Variants in NOS1AP observed in about 807,000 individuals in gnomAD.
The protein encoded by NOS1AP is carboxyl-terminal PDZ ligand of neuronal nitric oxide synthase protein.
A neutral mutation model predicts 56.2 loss-of-function variants in NOS1AP; 21 were observed. The observed-to-expected ratio is 0.37, with a 90% CI of 0.26 to 0.54. The LOEUF is 0.54. Among genes scored for constraint, NOS1AP ranks in the 20% least tolerant of loss-of-function variants. NOS1AP has a pLI of 0.84. For missense variants in NOS1AP, 522 were observed against 657.8 expected, an observed-to-expected ratio of 0.79 and a Z score of 2.26; for synonymous variants, 270 against 274.6, an observed-to-expected ratio of 0.98 and a Z score of 0.17.
chr1:162,161,871 G>A (rs1461775672), intron 2 of NOS1AP, among the ~76,000 whole-genome samples: 1 of 152,336 alleles, frequency 6.6e-6, no homozygotes, highest in East Asian at 1.9e-4. Flanking sequence ...TGCCAAGCAC[G>A]CATAAGCACC....
At chr1:162,161,310 G>A (rs1441885678) in intron 2 of NOS1AP, among the ~76,000 whole-genome samples, 1 of 152,186 alleles carries the variant, frequency 6.6e-6, no homozygotes, top group African/African-American at 2.4e-5. Context: ...ACCATAATGG[G>A]ATTAGAGTGT....
intron 2 of NOS1AP, among the ~76,000 whole-genome samples, chr1:162,214,965 A>G (rs1652509974): frequency 1.3e-5 from 2 of 152,240 alleles, no homozygotes; most frequent in Admixed American, 6.5e-5. Context: ...CTGCCAGGCT[A>G]CATCAGTGAG....
At chr1:162,265,380 C>A in intron 2 of NOS1AP, among the ~76,000 whole-genome samples, 1 of 134,446 alleles carries the variant, frequency 7.4e-6, no homozygotes, top group South Asian at 3.0e-4. Context: ...CCTCCCCCCT[C>A]CCCCCACCCC....
rs1365736112 is a variant in NOS1AP at position 162,149,936 on chromosome 1, T to C, written c.106-4469T>C. The stretch of plus-strand genomic sequence containing the variant: ...TGCATAATAGTCACATCAGGGTAAA[T>C]GGGGTATCCATCACCTTAAGCATAT... On this transcript the variant is annotated intron_variant, in intron 1 of 9. Coordinates refer to ENST00000361897, the MANE Select transcript of NOS1AP (RefSeq NM_014697.3). 2.3e-4 allele frequency among the ~76,000 whole-genome samples: 35 copies of C among 152,228 alleles called. 1 individual carries two copies. Among genetic ancestry groups the C allele is most frequent in the Admixed American group, 2.1e-3 (32 of 15,282 alleles).
chr1:162,243,504 GAGAC>G (rs1653562875), intron 2 of NOS1AP, among the ~76,000 whole-genome samples: 1 of 152,192 alleles, frequency 6.6e-6, no homozygotes, highest in Non-Finnish European at 1.5e-5. Flanking sequence ...TATCGGAAAA[GAGAC>G]AGAGAAGAGT....
At chr1:162,295,431 T>C (rs1039169550) in intron 3 of NOS1AP, among the ~76,000 whole-genome samples, 15 of 152,248 alleles carry the variant, frequency 9.9e-5, no homozygotes, top group African/African-American at 3.6e-4. Context: ...CATTCTGTCC[T>C]ATCTATTTTT....
In NOS1AP at chr1:162,197,235, G is replaced by A. The variant is rs377600213; in HGVS notation, c.177+42759G>A. 7.9e-5 allele frequency among the ~76,000 whole-genome samples: 12 copies of A among 152,294 alleles called. No individual in the cohort carries two copies. The South Asian group carries it at 1.7e-3, about 21-fold the overall frequency. On this transcript the variant is annotated intron_variant, in intron 2 of 9. Coordinates refer to ENST00000361897, the MANE Select transcript of NOS1AP (RefSeq NM_014697.3). Reference sequence around the variant, plus strand: ...GAAGGCCAATGCAAAGACCACACACGGGCAAGCCTGAAAGGTGCTGTTTTG... The same window carrying A: ...GAAGGCCAATGCAAAGACCACACACAGGCAAGCCTGAAAGGTGCTGTTTTG...
chr1:162,268,593 C>T (rs760927127), intron 2 of NOS1AP, among the ~76,000 whole-genome samples: 14 of 151,954 alleles, frequency 9.2e-5, no homozygotes, highest in East Asian at 1.9e-4. Context: ...AACTCTCCAA[C>T]GCAGAAAAAG....
At chr1:162,212,829 T>G (rs562318696) in intron 2 of NOS1AP, among the ~76,000 whole-genome samples, 1 of 151,224 alleles carries the variant, frequency 6.6e-6, no homozygotes, top group Admixed American at 6.6e-5. Flanking sequence ...CCTGTGAACT[T>G]TGGCTGCTGC....
chr1:162,191,225 A>G (rs1651630645), intron 2 of NOS1AP, among the ~76,000 whole-genome samples: 1 of 152,164 alleles, frequency 6.6e-6, no homozygotes, highest in South Asian at 2.1e-4. Flanking sequence ...CTGTCCACAC[A>G]GGAACATCAG....
intron 1 of NOS1AP, among the ~76,000 whole-genome samples, chr1:162,147,118 A>G (rs1649495152): frequency 6.6e-6 from 1 of 152,086 alleles, no homozygotes; most frequent in Non-Finnish European, 1.5e-5. Context: ...TCACGAGGTC[A>G]GGAGATTGAG....
chr1:162,329,693 G>T (rs1490773052), intron 4 of NOS1AP, among the ~76,000 whole-genome samples: 2 of 151,716 alleles, frequency 1.3e-5, no homozygotes, highest in Non-Finnish European at 1.5e-5. Flanking sequence ...GGAGAAATAA[G>T]GGTTCTTGGA....
chr1:162,139,212 A>T (rs1303405073), intron 1 of NOS1AP, among the ~76,000 whole-genome samples: 5 of 151,970 alleles, frequency 3.3e-5, no homozygotes, highest in Non-Finnish European at 5.9e-5. Flanking sequence ...AACTCCAGGG[A>T]TGAGGTGGTT....
intron 1 of NOS1AP, among the ~76,000 whole-genome samples, chr1:162,078,459 A>G (rs1257558981): frequency 1.3e-5 from 2 of 152,106 alleles, no homozygotes; most frequent in Non-Finnish European, 2.9e-5. Flanking sequence ...TGTACCCCAC[A>G]TCAAGTTAGG....
intron 1 of NOS1AP, among the ~76,000 whole-genome samples, chr1:162,072,111 TAGAA>T (rs1558086528): frequency 6.6e-6 from 1 of 150,762 alleles, no homozygotes; most frequent in African/African-American, 2.4e-5. Context: ...GATAGATAGA[TAGAA>T]AGTGTATTTT....
intron 4 of NOS1AP, among the ~76,000 whole-genome samples, chr1:162,312,434 G>GT (rs1362316397): frequency 8.2e-6 from 1 of 122,662 alleles, no homozygotes; most frequent in East Asian, 2.4e-4. Flanking sequence ...GGGGTTGTTT[G>GT]TTTTTTTCTT....
At chr1:162,079,962 C>T (rs529672853) in intron 1 of NOS1AP, among the ~76,000 whole-genome samples, 1 of 152,300 alleles carries the variant, frequency 6.6e-6, no homozygotes, top group East Asian at 1.9e-4. Context: ...TAACTAGGTT[C>T]TGGTGCATGC....
intron 4 of NOS1AP, among the ~76,000 whole-genome samples, chr1:162,308,920 T>C (rs977059700): frequency 6.6e-6 from 1 of 152,296 alleles, no homozygotes; most frequent in East Asian, 1.9e-4. Flanking sequence ...TTCAGTGATA[T>C]CGGGCAACCT....
At chr1:162,152,567 G>C (rs951641743) in intron 1 of NOS1AP, among the ~76,000 whole-genome samples, 1 of 152,208 alleles carries the variant, frequency 6.6e-6, no homozygotes, top group Non-Finnish European at 1.5e-5. Flanking sequence ...ATCTGGCCAC[G>C]CTATCAGATC....
Sources: gnomAD v4.1 joint callset for allele counts (sites outside exome capture counted in the v4.1 genomes callset) on GRCh38, gnomAD v4.1.1 for gene constraint, MANE v1.5 for transcripts, NCBI Gene and HGNC (gene_info 2026-07-23, HGNC 2026-07-21) for gene names.